The following STX7 variants were observed in gnomAD, a reference collection of about 807,000 sequenced individuals.
The protein encoded by STX7 is syntaxin 7, also known as syntaxin-7.
STX7 carries 34 observed loss-of-function variants against 39.6 expected under a neutral mutation model. The ratio of observed to expected loss-of-function variants is 0.86; its 90% CI spans 0.65 to 1.14. STX7 has a LOEUF of 1.14. STX7 is among the 50% of genes most tolerant of loss of function. The pLI, the probability that STX7 is intolerant of heterozygous loss-of-function variation, is 0.00. For synonymous variants in STX7, 119 were observed against 99.1 expected (o/e 1.20, Z -1.19); for missense variants, 284 against 310.4 (o/e 0.92, Z 0.64).
intron 2 of STX7, among the ~76,000 whole-genome samples, chr6:132,500,776 A>G (rs1775537916): frequency 6.6e-6 from 1 of 152,196 alleles, no homozygotes; most frequent in Admixed American, 6.5e-5. Context: ...CATTATTCCT[A>G]TGTTTAAAAT....
intron 9 of STX7, among the ~76,000 whole-genome samples, chr6:132,462,921 T>C (rs1229695544): frequency 6.6e-6 from 1 of 152,048 alleles, no homozygotes; most frequent in Non-Finnish European, 1.5e-5. Flanking sequence ...TCTTAGATAT[T>C]TTATAAGAAG....
intron 2 of STX7, among the ~76,000 whole-genome samples, 155 bp downstream of exon 2, chr6:132,503,291 T>C (rs917956714): frequency 5.9e-5 from 9 of 152,254 alleles, no homozygotes; most frequent in African/African-American, 1.9e-4. Flanking sequence ...TATAATTCTC[T>C]TGCATTCATT....
intron 1 of STX7, among the ~76,000 whole-genome samples, chr6:132,509,507 CATAACATAAA>C (rs761162424): frequency 0.014 from 1,906 of 137,732 alleles, 126 homozygotes; most frequent in Non-Finnish European, 0.02. Flanking sequence ...CATAACATAA[CATAACATAAA>C]ATAAAAAAAG....
Position 132,452,938 on chromosome 6 carries a change from A to C in STX7, c.*7820T>G, listed in dbSNP as rs1031128428. 4 of 152,164 alleles carry C rather than the reference A, an allele frequency of 2.6e-5. No individual in the cohort carries two copies. Among genetic ancestry groups the C allele is most frequent in the Non-Finnish European group, 5.9e-5 (4 of 67,988 alleles). 9.4% of individuals were successfully genotyped at this position (152,164 alleles called of 1,614,324 possible). On this transcript the variant is annotated 3_prime_UTR_variant, in exon 10 of 10. Transcript: ENST00000367941. ...AGTGGCTAAAACAATTTTGAAAAAG[A>C]AAGTGGAATAAACCAGCCTATTTGA...
chr6:132,448,314 T>C lies in STX7; in HGVS notation c.*12444A>G, dbSNP rs542861673. On this transcript the variant is annotated 3_prime_UTR_variant, in exon 10 of 10. Coordinates refer to ENST00000367941, the MANE Select transcript of STX7 (RefSeq NM_003569.3). ...TGATTTTTTAGCTCACCATACCTTC[T>C]TGCATCTCAGACTTTCCTCCTAGTC... 7.2e-5 allele frequency: 11 copies of C among 152,322 alleles called. No homozygotes were observed. The highest frequency in any genetic ancestry group is 2.4e-4 in the African/African-American group (10 of 41,574). The allele number at this position is 152,322 out of a possible 1,614,324, so 9.4% of individuals were successfully genotyped here.
Position 132,454,369 on chromosome 6 carries a change from CTCTA to C in STX7, c.*6385_*6388del, listed in dbSNP as rs2114326432. 1 of 152,208 alleles carries C rather than the reference CTCTA, an allele frequency of 6.6e-6. No individual in the cohort carries two copies. The highest frequency in any genetic ancestry group is 2.4e-5 in the African/African-American group (1 of 41,558). The allele number at this position is 152,208 out of a possible 1,614,324, so 9.4% of individuals were successfully genotyped here. ...AGAAAAAGTTCTGTGTGGAAACGTT[CTCTA>C]TCTTAGCTATACCAGTGTCAGTATC... On this transcript the variant is annotated 3_prime_UTR_variant, in exon 10 of 10. Transcript: ENST00000367941.
At chr6:132,473,487 T>C (rs1006241831) in intron 3 of STX7, among the ~76,000 whole-genome samples, 1 of 151,216 alleles carries the variant, frequency 6.6e-6, no homozygotes, top group African/African-American at 2.4e-5. Context: ...TTGCTATATT[T>C]TATAGTTCAG....
chr6:132,468,732 G>A (rs1375381421), intron 7 of STX7, among the ~76,000 whole-genome samples: 1 of 152,192 alleles, frequency 6.6e-6, no homozygotes, highest in Non-Finnish European at 1.5e-5. Flanking sequence ...GGATGGAAAT[G>A]AATGGAAATG....
intron 9 of STX7, among the ~76,000 whole-genome samples, chr6:132,463,571 C>G (rs911577509): frequency 1.3e-5 from 2 of 152,154 alleles, no homozygotes. Flanking sequence ...AGCAATCTCT[C>G]TAGGACAAGG....
At chr6:132,484,075 T>A (rs1405360086) in intron 2 of STX7, among the ~76,000 whole-genome samples, 1 of 152,216 alleles carries the variant, frequency 6.6e-6, no homozygotes, top group East Asian at 1.9e-4. Context: ...ATCTAATGCA[T>A]ACAGGTAGGA....
chr6:132,499,572 T>C (rs897811170), intron 2 of STX7, among the ~76,000 whole-genome samples: 4 of 152,218 alleles, frequency 2.6e-5, no homozygotes, highest in Non-Finnish European at 5.9e-5. Context: ...TAGGGAGAGA[T>C]AATGCCTCAC....
At chr6:132,469,564 A>ATGG (rs1353438604) in intron 7 of STX7, among the ~76,000 whole-genome samples, 5 of 152,206 alleles carry the variant, frequency 3.3e-5, no homozygotes, top group African/African-American at 1.2e-4. Flanking sequence ...TGGGCCAGAC[A>ATGG]TGGTGGCTCA....
chr6:132,478,348 G>A (rs946556485), intron 2 of STX7, among the ~76,000 whole-genome samples: 1 of 152,140 alleles, frequency 6.6e-6, no homozygotes, highest in African/African-American at 2.4e-5. Flanking sequence ...AAAGAATTGA[G>A]TAGAAATGGA....
intron 1 of STX7, among the ~76,000 whole-genome samples, chr6:132,505,893 C>T: frequency 6.6e-6 from 1 of 151,756 alleles, no homozygotes; most frequent in Non-Finnish European, 1.5e-5. Flanking sequence ...TAAAAACAGA[C>T]ACATAGAACA....
At position 132,447,357 on chromosome 6, in the gene STX7, T is replaced by TA. The variant is rs1365685357; in HGVS notation, c.*13400dup. The TA allele has an allele frequency of 6.6e-6, 1 of 152,200 alleles. No individual in the cohort carries two copies. The highest frequency in any genetic ancestry group is 6.6e-5 in the Admixed American group (1 of 15,266). 9.4% of individuals were successfully genotyped at this position (152,200 alleles called of 1,614,324 possible). On this transcript the variant is annotated 3_prime_UTR_variant, in exon 10 of 10. Transcript: ENST00000367941. ...GCAGATTTTCTAAGAAATCTTTCCC[T>TA]ATCAGAGGTCCCCAAAACATTCCTT...
chr6:132,470,835 T>A (rs9483456), intron 5 of STX7, among the ~76,000 whole-genome samples: 1,627 of 152,192 alleles, frequency 0.011, 15 homozygotes, highest in African/African-American at 0.034. Context: ...TAATTATAAG[T>A]AATTTTATAT....
rs954167073 is a variant in STX7 at position 132,448,630 on chromosome 6, T to G, written c.*12128A>C. Reference sequence around the variant, plus strand: ...CAGGTAGATCACCTGAAGTCAGGAGTTCGAGAACAGCCTGGCCAACATGGC... The same window carrying G: ...CAGGTAGATCACCTGAAGTCAGGAGGTCGAGAACAGCCTGGCCAACATGGC... On this transcript the variant is annotated 3_prime_UTR_variant, in exon 10 of 10. Coordinates refer to ENST00000367941, the MANE Select transcript of STX7 (RefSeq NM_003569.3). The G allele has an allele frequency of 6.6e-6, 1 of 151,952 alleles. No individual in the cohort carries two copies. Among genetic ancestry groups the G allele is most frequent in the East Asian group, 1.9e-4 (1 of 5,158 alleles). 9.4% of individuals were successfully genotyped at this position (151,952 alleles called of 1,614,324 possible).
At chr6:132,497,127 C>A (rs542885521) in intron 2 of STX7, among the ~76,000 whole-genome samples, 6 of 152,106 alleles carry the variant, frequency 3.9e-5, no homozygotes, top group Non-Finnish European at 7.4e-5. Context: ...TAAGAATGTT[C>A]TGGGAAGCAT....
At position 132,450,331 on chromosome 6, in the gene STX7, TTC is replaced by T. The variant is rs1463021825; in HGVS notation, c.*10425_*10426del. ...GCATTTTTCATATAAATTATTCATT[TTC>T]TGTTTTGTGATATATTGGCATAAAG... is the stretch of plus-strand genomic sequence containing the variant. On this transcript the variant is annotated 3_prime_UTR_variant, in exon 10 of 10. Coordinates refer to ENST00000367941, the MANE Select transcript of STX7 (RefSeq NM_003569.3). 2.0e-5 allele frequency: 3 copies of T among 152,204 alleles called. No homozygotes were observed. The highest frequency in any genetic ancestry group is 6.5e-5 in the Admixed American group (1 of 15,284). 9.4% of individuals were successfully genotyped at this position (152,204 alleles called of 1,614,324 possible). A position where few individuals can be genotyped will look rare whatever the true frequency, so the allele number is the denominator to read the frequency against.
Sources: gnomAD v4.1 joint callset for allele counts (sites outside exome capture counted in the v4.1 genomes callset) on GRCh38, gnomAD v4.1.1 for gene constraint, MANE v1.5 for transcripts, NCBI Gene and HGNC (gene_info 2026-07-23, HGNC 2026-07-21) for gene names.